The following AMZ1 variants were observed in gnomAD, a reference collection of about 807,000 sequenced individuals.
AMZ1 encodes the protein archaelysin family metallopeptidase 1.
In AMZ1, 39 loss-of-function variants were observed where a neutral mutation model predicts 29.9. The ratio of observed to expected loss-of-function variants is 1.30; its 90% CI spans 1.01 to 1.70. The LOEUF (loss-of-function observed/expected upper bound fraction) is 1.70. Among genes scored for constraint, AMZ1 ranks in the 40% most tolerant of loss-of-function variants. AMZ1 has a pLI of 0.00. For missense variants in AMZ1, 1,041 were observed against 680.6 expected, an observed-to-expected ratio of 1.53 and a Z score of -5.89; for synonymous variants, 458 against 304.0, an observed-to-expected ratio of 1.51 and a Z score of -5.27.
At chr7:2,684,623 G>A (rs973304642), upstream of AMZ1, among the ~76,000 whole-genome samples, 5 of 152,242 alleles carry the variant, frequency 3.3e-5, no homozygotes, top group African/African-American at 1.2e-4. Context: ...AAAGGGGTGT[G>A]CAGTCTGCCG....
At chr7:2,756,579 C>G (rs996698907) in intron 4 of AMZ1, among the ~76,000 whole-genome samples, 2 of 151,574 alleles carry the variant, frequency 1.3e-5, no homozygotes, top group Non-Finnish European at 2.9e-5. Flanking sequence ...CGTGCCACTG[C>G]ACTACAGCCT....
upstream of AMZ1, among the ~76,000 whole-genome samples, chr7:2,764,141 G>T (rs1426778126): frequency 6.6e-6 from 1 of 152,040 alleles, no homozygotes; most frequent in East Asian, 1.9e-4. Flanking sequence ...TGCAATCATG[G>T]CTCACTGCAG....
At chr7:2,720,332 T>A (rs924299718), downstream of AMZ1, among the ~76,000 whole-genome samples, 2 of 152,182 alleles carry the variant, frequency 1.3e-5, no homozygotes, top group Non-Finnish European at 2.9e-5. Context: ...CACGTCAGGG[T>A]GAACACTTTT....
At position 2,699,522 on chromosome 7, in the gene AMZ1, C is replaced by T. The variant is rs577998519; in HGVS notation, c.-218-712C>T. On this transcript the variant is annotated intron_variant, in intron 1 of 6. Transcript: ENST00000683327. ...GGACGTCTGCGTGCTGTTGGGGCTG[C>T]GTACCCCCGCCCCCCCCCAAACATA... Among the ~76,000 whole-genome samples the T allele has an allele frequency of 1.2e-4, 18 of 146,130 alleles. No individual in the cohort carries two copies. In the East Asian group the frequency reaches 3.3e-3, roughly 27 times the overall value.
At chr7:2,751,126 A>T (rs1791014197) in intron 4 of AMZ1, among the ~76,000 whole-genome samples, 1 of 152,124 alleles carries the variant, frequency 6.6e-6, no homozygotes. Flanking sequence ...GGGGGCACAC[A>T]CTTGTAACCC....
chr7:2,718,101 C>T lies in AMZ1; in HGVS notation c.*5223C>T, dbSNP rs547854036. Among the ~76,000 whole-genome samples the T allele has an allele frequency of 6.6e-6, 1 of 152,304 alleles. No homozygotes were observed. The highest frequency in any genetic ancestry group is 1.9e-4 in the East Asian group (1 of 5,178). ...GAGCTCTCGCAAGATTAACCAGAGA[C>T]GACACCTACCAGATTCCACCACTGA... On this transcript the variant is annotated 3_prime_UTR_variant, in exon 7 of 7. Coordinates refer to ENST00000683327, the MANE Select transcript of AMZ1 (RefSeq NM_001384743.1).
In AMZ1 at chr7:2,709,143, C is replaced by G. The variant is rs747045351; in HGVS notation, c.670C>G (p.Leu224Val). 9 of 1,594,892 alleles carry G rather than the reference C, an allele frequency of 5.6e-6. No homozygotes were observed. The South Asian group carries it at 1.0e-4, about 18-fold the overall frequency. Residue 224 changes from leucine to valine, a missense_variant, in exon 5 of 7, where the codon CTG (leucine) becomes GTG (valine). By Grantham distance (32) the Leu-to-Val change is conservative. Transcript: ENST00000683327. ...GAAGTCGGGGCCCAGCGCCCCTGAT[C>G]TGGCCCTGGTAGAGGCAGCAGCAGA... Reference protein sequence around the residue: ...FPKSGPSAPDLALVEAAADGP... With the variant: ...FPKSGPSAPDVALVEAAADGP...
upstream of AMZ1, among the ~76,000 whole-genome samples, chr7:2,684,987 AGC>A (rs962720083): frequency 1.3e-5 from 2 of 148,986 alleles, no homozygotes; most frequent in African/African-American, 5.0e-5. Context: ...CTCCTGCCTC[AGC>A]CTCCTGAGTA....
exon 1 of AMZ1, chr7:2,764,708 G>C (rs138417016): frequency 6.6e-6 from 1 of 152,236 alleles, no homozygotes; most frequent in Admixed American, 6.5e-5. Flanking sequence ...TCTGTAAACT[G>C]TAGGTGAGCT....
rs1184623064 is a variant in AMZ1 at position 2,709,702 on chromosome 7, C to G, written c.834C>G (p.Leu278=). 13 of 1,611,024 alleles carry G rather than the reference C, an allele frequency of 8.1e-6. No homozygotes were observed. The highest frequency in any genetic ancestry group is 9.3e-6 in the Non-Finnish European group (11 of 1,179,870). The change falls in exon 6 of 7, where the codon CTC becomes CTG. Residue 278 remains leucine (L), a synonymous_variant. Transcript: ENST00000683327. Reference sequence around the variant, plus strand: ...GGAACTGCCGCTGGCTCCGCTGCCTCATGCAGGGTGCGCTCAGCCTGGACG... The same window carrying G: ...GGAACTGCCGCTGGCTCCGCTGCCTGATGCAGGGTGCGCTCAGCCTGGACG... ...GLGNCRWLRC[L]MQGALSLDEA...
rs375504050 is a variant in AMZ1 at position 2,712,411 on chromosome 7, C to T, written c.1030C>T (p.Pro344Ser). The T allele has an allele frequency of 3.5e-5, 57 of 1,611,590 alleles. No homozygotes were observed. In the South Asian group the frequency reaches 5.8e-4, roughly 16 times the overall value. Reference protein sequence around the residue: ...AGEPSVWEDTPPASADSGMCC... With the variant: ...AGEPSVWEDTSPASADSGMCC... The stretch of plus-strand genomic sequence containing the variant: ...GGAGCCGTCAGTGTGGGAGGACACC[C>T]CGCCTGCCAGCGCCGACTCGGGCAT... Residue 344 changes from proline (P) to serine (S), a missense_variant, in exon 7 of 7, where the codon CCG becomes TCG. Coordinates refer to ENST00000683327, the MANE Select transcript of AMZ1 (RefSeq NM_001384743.1).
chr7:2,708,002 T>C (rs1006813729), intron 3 of AMZ1, among the ~76,000 whole-genome samples: 1 of 151,852 alleles, frequency 6.6e-6, no homozygotes, highest in Non-Finnish European at 1.5e-5. Flanking sequence ...TTTGTATTTT[T>C]AGTAGAGATG....
chr7:2,733,842 G>A, intron 4 of AMZ1, among the ~76,000 whole-genome samples: 1 of 152,208 alleles, frequency 6.6e-6, no homozygotes, highest in Non-Finnish European at 1.5e-5. Flanking sequence ...CATGCGGCCA[G>A]CAAAGGACAG....
chr7:2,756,709 C>G (rs1441768477), intron 4 of AMZ1, among the ~76,000 whole-genome samples: 2 of 152,234 alleles, frequency 1.3e-5, no homozygotes, highest in African/African-American at 4.8e-5. Flanking sequence ...GCCTCGATGA[C>G]AGACGCCCCT....
In AMZ1 at chr7:2,700,789, G is replaced by A. The variant is rs754805425; in HGVS notation, c.304+34G>A. 3.7e-6 allele frequency: 6 copies of A among 1,601,518 alleles called. No homozygotes were observed. The Admixed American group carries it at 1.0e-4, about 27-fold the overall frequency. ...CGCCTGCAGCCATCGGCACGCTCCT[G>A]GGGGACCAGCTTATATATAGCACAA... On this transcript the variant is annotated intron_variant, in intron 2 of 6. Transcript: ENST00000683327.
chr7:2,711,303 A>G (rs1248551463), intron 6 of AMZ1, among the ~76,000 whole-genome samples: 1 of 152,168 alleles, frequency 6.6e-6, no homozygotes, highest in Admixed American at 6.5e-5. Context: ...GCCTGGCCAG[A>G]AAAGGTCACT....
chr7:2,757,912 T>C (rs1459859546), intron 4 of AMZ1, among the ~76,000 whole-genome samples: 1 of 152,228 alleles, frequency 6.6e-6, no homozygotes, highest in African/African-American at 2.4e-5. Flanking sequence ...CTCTGACTCC[T>C]GTTCGCTGTC....
In AMZ1 at chr7:2,700,719, CG is replaced by C; in HGVS notation, c.269del (p.Arg90ProfsTer12). The part of the protein sequence containing the change: ...FHASLQHRKP[R>X]LARKHIYLQP... ...CGCCTCCCTGCAGCACCGGAAGCCC[CG>C]CCTGGCTCGGAAGCACATCTACCTA... On this transcript the variant is annotated frameshift_variant, in exon 2 of 7. Transcript: ENST00000683327. LOFTEE classifies it high-confidence loss of function. The C allele has an allele frequency of 6.2e-7, 1 of 1,613,104 alleles. No homozygotes were observed. Among genetic ancestry groups the C allele is most frequent in the African/African-American group, 1.3e-5 (1 of 75,052 alleles).
chr7:2,729,732 T>G (rs1789793873), intron 4 of AMZ1: 1 of 152,338 alleles, frequency 6.6e-6, no homozygotes, highest in South Asian at 2.1e-4. Context: ...GGGTGCCAAT[T>G]AAGAGGACGC....
Sources: gnomAD v4.1 joint callset for allele counts (sites outside exome capture counted in the v4.1 genomes callset) on GRCh38, gnomAD v4.1.1 for gene constraint, MANE v1.5 for transcripts, NCBI Gene and HGNC (gene_info 2026-07-23, HGNC 2026-07-21) for gene names.